Variants in EXD3 observed in about 807,000 individuals in gnomAD.
EXD3 encodes exonuclease mut-7 homolog.
Under a neutral mutation model 98.0 loss-of-function variants are expected in EXD3, and 92 were observed. The observed-to-expected ratio is 0.94, with a 90% CI of 0.79 to 1.12. The LOEUF (loss-of-function observed/expected upper bound fraction) is 1.12, where lower values mean the gene tolerates loss of function less well. Ranked by LOEUF, EXD3 falls within the 50% of genes most tolerant of loss-of-function variation. EXD3 has a pLI of 0.00. For missense variants in EXD3, 1,222 were observed against 1,191.6 expected (o/e 1.03, Z -0.38); for synonymous variants, 569 against 526.0 (o/e 1.08, Z -1.12).
rs113280626 is a variant in EXD3, at chr9:137,376,734, A to G, written c.121-3135T>C. 4.5e-3 allele frequency among the ~76,000 whole-genome samples: 684 copies of G among 152,176 alleles called. 4 individuals carry two copies. Among genetic ancestry groups the G allele is most frequent in the African/African-American group, 0.015 (632 of 41,528 alleles). ...CAACTGAGGTCGGGAGTTGGAGACC[A>G]GCCTGACCAACATGGAGAAACCCCG... is the stretch of plus-strand genomic sequence containing the variant. On this transcript the variant is annotated intron_variant, in intron 3 of 21. Coordinates refer to ENST00000340951, the MANE Select transcript of EXD3 (RefSeq NM_017820.5).
chr9:137,420,845 C>T (rs972718097), intron 1 of EXD3, among the ~76,000 whole-genome samples: 2 of 150,772 alleles, frequency 1.3e-5, no homozygotes, highest in Non-Finnish European at 3.0e-5. Flanking sequence ...GACAGGGTCT[C>T]GCTCTGTCAC....
chr9:137,389,666 C>T (rs2131743195), intron 2 of EXD3, among the ~76,000 whole-genome samples: 1 of 152,214 alleles, frequency 6.6e-6, no homozygotes, highest in South Asian at 2.1e-4. Context: ...CAGAGAGGGA[C>T]AGTGAGACCA....
At chr9:137,320,284 G>GCCAGGGC (rs568705702) in intron 19 of EXD3, among the ~76,000 whole-genome samples, 289 of 152,320 alleles carry the variant, frequency 1.9e-3, no homozygotes, top group Middle Eastern at 0.01. Flanking sequence ...TGGGGCTGCA[G>GCCAGGGC]CCAGGGCCCA....
chr9:137,417,313 C>G (rs1349563277), intron 1 of EXD3, among the ~76,000 whole-genome samples: 1 of 152,218 alleles, frequency 6.6e-6, no homozygotes, highest in Non-Finnish European at 1.5e-5. Flanking sequence ...GGGTGGTGAG[C>G]ACAGCACACC....
At chr9:137,399,476 AAC>A (rs1366946601) in intron 1 of EXD3, among the ~76,000 whole-genome samples, 1 of 152,168 alleles carries the variant, frequency 6.6e-6, no homozygotes, top group Non-Finnish European at 1.5e-5. Flanking sequence ...TTTATTTTGC[AAC>A]CCTCTCACTG....
intron 1 of EXD3, among the ~76,000 whole-genome samples, chr9:137,416,646 C>T (rs765104018): frequency 1.3e-5 from 2 of 152,338 alleles, no homozygotes; most frequent in African/African-American, 4.8e-5. Context: ...CATCATCCTG[C>T]GCCACGCCAG....
intron 17 of EXD3, among the ~76,000 whole-genome samples, chr9:137,331,517 G>T (rs56253011): frequency 6.6e-5 from 10 of 151,988 alleles, no homozygotes; most frequent in African/African-American, 1.7e-4. Flanking sequence ...AACCCTAAAG[G>T]CTCCTCCAAA....
At chr9:137,339,971 G>A (rs61365440) in intron 17 of EXD3, among the ~76,000 whole-genome samples, 3,756 of 152,246 alleles carry the variant, frequency 0.025, 135 homozygotes, top group African/African-American at 0.084. Flanking sequence ...TGACGTGTAC[G>A]AACAGAACCC....
At position 137,327,786 on chromosome 9, in the gene EXD3, A is replaced by G. The variant is rs59730164; in HGVS notation, c.1999-3643T>C. Among the ~76,000 whole-genome samples the G allele has an allele frequency of 7.4e-3, 16 of 2,166 alleles. 3 individuals are homozygous for G. The highest frequency in any genetic ancestry group is 0.17 in the Middle Eastern group (1 of 6). The allele number at this position is 2,166 out of a possible 152,430, so 1.4% of individuals were successfully genotyped here. Reference sequence around the variant, plus strand: ...CTCCCATAGGATGAGTAAAAACAACAAATATACACCCACATGATGAGTAAA... The same window carrying G: ...CTCCCATAGGATGAGTAAAAACAACGAATATACACCCACATGATGAGTAAA... On this transcript the variant is annotated intron_variant, in intron 17 of 21. Coordinates refer to ENST00000340951, the MANE Select transcript of EXD3 (RefSeq NM_017820.5).
chr9:137,330,383 ACTACACAGGAG>A (rs1254713142), intron 17 of EXD3, among the ~76,000 whole-genome samples: 4 of 140,924 alleles, frequency 2.8e-5, no homozygotes, highest in South Asian at 2.4e-4. Context: ...GCTACACAGG[ACTACACAGGAG>A]CTACACAGGG....
chr9:137,419,955 C>A (rs7390690), intron 1 of EXD3, among the ~76,000 whole-genome samples: 2 of 151,672 alleles, frequency 1.3e-5, no homozygotes, highest in Non-Finnish European at 2.9e-5. Flanking sequence ...GTCAGGAGAT[C>A]GAGACCATCC....
At chr9:137,321,816 C>T (rs1431267797) in intron 19 of EXD3, among the ~76,000 whole-genome samples, 4 of 152,196 alleles carry the variant, frequency 2.6e-5, no homozygotes, top group Admixed American at 6.5e-5. Flanking sequence ...CGGGAACTGC[C>T]GAGAGCCAGC....
chr9:137,336,059 T>C (rs1016174920), intron 17 of EXD3, among the ~76,000 whole-genome samples: 2 of 152,282 alleles, frequency 1.3e-5, no homozygotes, highest in South Asian at 4.1e-4. Context: ...ATACTGCATG[T>C]TCTCACTTAT....
intron 4 of EXD3, among the ~76,000 whole-genome samples, 160 bp from the exon 5 acceptor site, chr9:137,373,232 G>C (rs1225339810): frequency 6.6e-6 from 1 of 152,218 alleles, no homozygotes; most frequent in African/African-American, 2.4e-5. Context: ...GGCGAGGCCG[G>C]TCTCAGCACG....
chr9:137,321,875 G>A (rs538813775), intron 19 of EXD3, among the ~76,000 whole-genome samples: 4 of 152,240 alleles, frequency 2.6e-5, no homozygotes, highest in African/African-American at 9.6e-5. Context: ...AGACCCTGGC[G>A]CCTTGAGTGG....
Position 137,395,238 on chromosome 9 carries a change from A to C in EXD3, c.55+65T>G, listed in dbSNP as rs1837148419. On this transcript the variant is annotated intron_variant, in intron 2 of 21. Coordinates refer to ENST00000340951, the MANE Select transcript of EXD3 (RefSeq NM_017820.5). The surrounding 1 kb of genome is among the most constrained non-coding windows in gnomAD (Gnocchi z 6.5). ...TACACAGTGGGCGCCACCACCCCCC[A>C]TGCACACCCACGCACCTCCCCCCAC... is the stretch of plus-strand genomic sequence containing the variant. 2,818 of 1,058,322 alleles carry C rather than the reference A, an allele frequency of 2.7e-3. No individual in the cohort carries two copies. Among genetic ancestry groups the C allele is most frequent in the Non-Finnish European group, 3.4e-3 (2,303 of 686,622 alleles). 65.6% of individuals were successfully genotyped at this position (1,058,322 alleles called of 1,614,324 possible). A position where few individuals can be genotyped will look rare whatever the true frequency, so the allele number is the denominator to read the frequency against.
chr9:137,312,236 T>C (rs1478845279), intron 19 of EXD3, among the ~76,000 whole-genome samples: 2 of 144,596 alleles, frequency 1.4e-5, no homozygotes, highest in Non-Finnish European at 3.1e-5. Flanking sequence ...CCCCACCCCC[T>C]CCAGTCTGAG....
intron 1 of EXD3, among the ~76,000 whole-genome samples, chr9:137,404,372 A>AT (rs1401167292): frequency 6.6e-6 from 1 of 152,188 alleles, no homozygotes; most frequent in Non-Finnish European, 1.5e-5. Context: ...TTCATGAAAG[A>AT]GGCGTGCCCA....
intron 1 of EXD3, among the ~76,000 whole-genome samples, chr9:137,411,895 G>A (rs78556166): frequency 0.016 from 2,418 of 152,308 alleles, 62 homozygotes; most frequent in African/African-American, 0.054. Flanking sequence ...CTTCCTCTGC[G>A]GTTTTTCTGT....
Sources: gnomAD v4.1 joint callset for allele counts (sites outside exome capture counted in the v4.1 genomes callset) on GRCh38, gnomAD v4.1.1 for gene constraint, Gnocchi (gnomAD v3.1) non-coding constraint, MANE v1.5 for transcripts, NCBI Gene and HGNC (gene_info 2026-07-23, HGNC 2026-07-21) for gene names.